The following IL1RAPL1 variants were observed in gnomAD, a reference collection of about 807,000 sequenced individuals.
The protein encoded by IL1RAPL1 is interleukin 1 receptor accessory protein like 1.
In IL1RAPL1, 3 loss-of-function variants were observed where a neutral mutation model predicts 48.4. The ratio of observed to expected loss-of-function variants is 0.06; its 90% CI spans 0.03 to 0.16. The LOEUF (loss-of-function observed/expected upper bound fraction) is 0.16. IL1RAPL1 is among the 10% of genes least tolerant of loss of function. The pLI is 1.00. For synonymous variants in IL1RAPL1, 185 were observed against 187.7 expected, an observed-to-expected ratio of 0.99 and a Z score of 0.12; for missense variants, 349 against 530.6, an observed-to-expected ratio of 0.66 and a Z score of 3.36.
intron 6 of IL1RAPL1, among the ~76,000 whole-genome samples, chrX:29,710,372 G>A (rs1927306253): frequency 9.5e-6 from 1 of 105,815 alleles, no homozygotes; most frequent in South Asian, 4.1e-4. Flanking sequence ...TTTTAACCAT[G>A]AAAGGATGTT....
chrX:28,938,631 C>CTA (rs1924080375), intron 2 of IL1RAPL1, among the ~76,000 whole-genome samples: 1 of 111,059 alleles, frequency 9.0e-6, no homozygotes, highest in East Asian at 2.8e-4. Context: ...TATTTCATGA[C>CTA]AAAGATGCCA....
At chrX:28,677,604 T>C (rs1935012861) in intron 1 of IL1RAPL1, among the ~76,000 whole-genome samples, 2 of 111,195 alleles carry the variant, frequency 1.8e-5, no homozygotes, top group Admixed American at 1.9e-4. Flanking sequence ...TTTTTTTTTT[T>C]TGAGACGGAG....
intron 8 of IL1RAPL1, among the ~76,000 whole-genome samples, chrX:29,935,883 T>C (rs1295400131): frequency 9.0e-6 from 1 of 111,551 alleles, no homozygotes; most frequent in East Asian, 2.8e-4. Context: ...ACTTTGGAGG[T>C]AATCTTTTGC....
chrX:29,937,807 A>G (rs191587144), intron 8 of IL1RAPL1, among the ~76,000 whole-genome samples: 16 of 111,724 alleles, frequency 1.4e-4, no homozygotes, highest in Middle Eastern at 4.6e-3. Flanking sequence ...TCTCTGGGGG[A>G]AAGTCTGTGA....
intron 2 of IL1RAPL1, among the ~76,000 whole-genome samples, chrX:29,009,233 C>G (rs921581080): frequency 9.0e-6 from 1 of 111,522 alleles, no homozygotes; most frequent in East Asian, 2.9e-4. Flanking sequence ...AGTAAAAAAC[C>G]TGTCTATTGG....
chrX:28,971,876 T>TTGTGTGTGTGTGTG (rs3066657), intron 2 of IL1RAPL1, among the ~76,000 whole-genome samples: 66 of 84,478 alleles, frequency 7.8e-4, no homozygotes, highest in African/African-American at 1.8e-3. Flanking sequence ...ACTCTGAAAA[T>TTGTGTGTGTGTGTG]TGTGTGTGTG....
At chrX:29,121,825 C>T (rs909404650) in intron 2 of IL1RAPL1, among the ~76,000 whole-genome samples, 12 of 111,850 alleles carry the variant, frequency 1.1e-4, no homozygotes, top group Admixed American at 3.8e-4. Context: ...TGAACATTTT[C>T]GCAAAGGGCT....
At chrX:28,953,649 A>G (rs1044700063) in intron 2 of IL1RAPL1, among the ~76,000 whole-genome samples, 5 of 111,293 alleles carry the variant, frequency 4.5e-5, no homozygotes, top group African/African-American at 9.8e-5. Flanking sequence ...GTGGATCATA[A>G]ATTTGTGTCT....
chrX:28,629,248 C>G (rs935147530), intron 1 of IL1RAPL1, among the ~76,000 whole-genome samples: 4 of 111,193 alleles, frequency 3.6e-5, no homozygotes, highest in Non-Finnish European at 7.5e-5. Flanking sequence ...GAAAAGGCGC[C>G]CTTGTTTCTT....
At chrX:29,890,030 T>G (rs1220978951) in intron 6 of IL1RAPL1, among the ~76,000 whole-genome samples, 2 of 111,618 alleles carry the variant, frequency 1.8e-5, no homozygotes, top group Non-Finnish European at 3.8e-5. Flanking sequence ...AAAGAAGATT[T>G]TTTATAACTA....
chrX:29,776,472 T>C (rs1286504627), intron 6 of IL1RAPL1, among the ~76,000 whole-genome samples: 1 of 112,129 alleles, frequency 8.9e-6, no homozygotes, highest in Non-Finnish European at 1.9e-5. Context: ...TCCTATATTG[T>C]AGTGTCATAA....
intron 5 of IL1RAPL1, among the ~76,000 whole-genome samples, chrX:29,562,152 A>G (rs1318490573): frequency 2.0e-5 from 2 of 98,337 alleles, no homozygotes; most frequent in Non-Finnish European, 4.0e-5. Flanking sequence ...CTATCTATCT[A>G]TCTATCTATC....
intron 6 of IL1RAPL1, among the ~76,000 whole-genome samples, chrX:29,844,180 A>G (rs1320376847): frequency 8.9e-6 from 1 of 112,244 alleles, no homozygotes; most frequent in East Asian, 2.8e-4. Context: ...AATATATGTC[A>G]GGCAATGTTC....
At chrX:29,218,257 T>C (rs1000133617) in intron 2 of IL1RAPL1, among the ~76,000 whole-genome samples, 2 of 112,183 alleles carry the variant, frequency 1.8e-5, no homozygotes, top group African/African-American at 6.5e-5. Flanking sequence ...TATTTTGTAA[T>C]GTTTGGCTTA....
intron 6 of IL1RAPL1, among the ~76,000 whole-genome samples, chrX:29,718,656 T>C (rs1927551778): frequency 9.3e-6 from 1 of 107,861 alleles, no homozygotes; most frequent in Admixed American, 9.9e-5. Flanking sequence ...TGCTTCAGTC[T>C]GATCCCATGG....
chrX:29,146,966 T>G (rs1169235927), intron 2 of IL1RAPL1, among the ~76,000 whole-genome samples: 1 of 112,491 alleles, frequency 8.9e-6, no homozygotes, highest in Non-Finnish European at 1.9e-5. Context: ...TCAGTTCTAC[T>G]TGAGATCTTA....
intron 6 of IL1RAPL1, among the ~76,000 whole-genome samples, chrX:29,906,324 G>C (rs1293068754): frequency 2.2e-5 from 2 of 89,892 alleles, no homozygotes; most frequent in Non-Finnish European, 4.2e-5. Context: ...GATAGAGCGA[G>C]ACTCTGTCTC....
At chrX:28,648,407 A>G (rs1450293966) in intron 1 of IL1RAPL1, among the ~76,000 whole-genome samples, 1 of 112,151 alleles carries the variant, frequency 8.9e-6, no homozygotes, top group Non-Finnish European at 1.9e-5. Flanking sequence ...TCATACATTA[A>G]AAAAGGACAA....
chrX:29,547,469 A>G (rs73219666), intron 5 of IL1RAPL1, among the ~76,000 whole-genome samples: 1,907 of 111,653 alleles, frequency 0.017, 21 homozygotes, highest in Middle Eastern at 0.065. Flanking sequence ...ATGATTCTCA[A>G]AGAAAAAGGT....
Sources: allele counts gnomAD v4.1 joint callset (sites outside exome capture counted in the v4.1 genomes callset), GRCh38; gene constraint gnomAD v4.1.1; transcripts MANE v1.5; gene names NCBI Gene and HGNC (gene_info 2026-07-23, HGNC 2026-07-21).